ALK: variants seen among roughly 807,000 people sequenced by gnomAD.
The protein encoded by ALK is ALK tyrosine kinase receptor.
In ALK, 74 loss-of-function variants were observed where a neutral mutation model predicts 163.1. The ratio of observed to expected loss-of-function variants is 0.45; its 90% CI spans 0.38 to 0.55. ALK has a LOEUF of 0.55. Ranked by LOEUF, ALK falls within the 20% of genes least tolerant of loss-of-function variation. ALK has a pLI of 0.00. For synonymous variants in ALK, 960 were observed against 843.2 expected (o/e 1.14, Z -2.40); for missense variants, 2,063 against 2,105.3 (o/e 0.98, Z 0.39).
At chr2:29,543,249 C>T (rs533088669) in intron 3 of ALK, among the ~76,000 whole-genome samples, 2 of 152,246 alleles carry the variant, frequency 1.3e-5, no homozygotes, top group South Asian at 2.1e-4. Context: ...GGCTGTCTTG[C>T]TATGCATGAT....
At chr2:29,639,555 G>C (rs182242105) in intron 3 of ALK, among the ~76,000 whole-genome samples, 1 of 152,180 alleles carries the variant, frequency 6.6e-6, no homozygotes, top group Admixed American at 6.5e-5. Context: ...AACTGAGACC[G>C]GGGAGAATAT....
intron 5 of ALK, among the ~76,000 whole-genome samples, chr2:29,373,802 A>G (rs960683741): frequency 6.6e-6 from 1 of 152,204 alleles, no homozygotes; most frequent in African/African-American, 2.4e-5. Context: ...AGGCAGTGTG[A>G]CAGGCATTTG....
At chr2:29,442,027 T>A (rs796312783) in intron 4 of ALK, among the ~76,000 whole-genome samples, 1 of 152,282 alleles carries the variant, frequency 6.6e-6, no homozygotes, top group South Asian at 2.1e-4. Flanking sequence ...AGCTCGCTGG[T>A]TTCATCATTA....
At chr2:29,587,650 C>T (rs1343211670) in intron 3 of ALK, among the ~76,000 whole-genome samples, 1 of 152,202 alleles carries the variant, frequency 6.6e-6, no homozygotes, top group Non-Finnish European at 1.5e-5. Flanking sequence ...AGCTTCACTT[C>T]TTCCTTTGAC....
intron 11 of ALK, among the ~76,000 whole-genome samples, chr2:29,268,860 A>G (rs186127708): frequency 4.6e-5 from 7 of 152,150 alleles, no homozygotes; most frequent in African/African-American, 4.8e-5. Context: ...TGTTTCCTCA[A>G]TTGTAAAATG....
chr2:29,741,754 C>T (rs541391685), intron 1 of ALK, among the ~76,000 whole-genome samples: 1 of 152,130 alleles, frequency 6.6e-6, no homozygotes, highest in Non-Finnish European at 1.5e-5. Flanking sequence ...GCCTCTATCC[C>T]CTTACAAAAG....
At chr2:29,211,283 T>C (rs1042796173) in intron 24 of ALK, among the ~76,000 whole-genome samples, 8 of 152,152 alleles carry the variant, frequency 5.3e-5, no homozygotes, top group Non-Finnish European at 1.0e-4. Flanking sequence ...GCATAACACA[T>C]ATGACATCAA....
intron 1 of ALK, among the ~76,000 whole-genome samples, chr2:29,758,105 G>A (rs1680591434): frequency 6.6e-6 from 1 of 150,656 alleles, no homozygotes; most frequent in South Asian, 2.1e-4. Context: ...CTGCCTCTTG[G>A]GCTCAAGTGA....
At chr2:29,524,606 T>C (rs146798078) in intron 4 of ALK, among the ~76,000 whole-genome samples, 2,865 of 152,346 alleles carry the variant, frequency 0.019, 37 homozygotes, top group South Asian at 0.034. Flanking sequence ...CTTGGCAAAC[T>C]GAACATGCAC....
At chr2:29,643,570 G>A (rs1383490778) in intron 3 of ALK, among the ~76,000 whole-genome samples, 22 of 152,268 alleles carry the variant, frequency 1.4e-4, no homozygotes, top group Admixed American at 8.5e-4. Context: ...CATTGCAAAA[G>A]GCTTGGTGGA....
Position 29,808,279 on chromosome 2 carries a change from A to G in ALK, c.668-90582T>C, listed in dbSNP as rs557286927. 2.0e-4 allele frequency among the ~76,000 whole-genome samples: 31 copies of G among 152,284 alleles called. 2 individuals are homozygous for G. In the South Asian group the frequency reaches 6.4e-3, roughly 32 times the overall value. On this transcript the variant is annotated intron_variant, in intron 1 of 28. Transcript: ENST00000389048. Reference sequence around the variant, plus strand: ...TCCCAGTGCAGGAAATGACTTGCCCATAGTGTCACATTTGTCTGGTGTCTC... The same window carrying G: ...TCCCAGTGCAGGAAATGACTTGCCCGTAGTGTCACATTTGTCTGGTGTCTC...
chr2:29,690,665 A>G (rs1678369802), intron 3 of ALK, among the ~76,000 whole-genome samples: 1 of 152,130 alleles, frequency 6.6e-6, no homozygotes, highest in South Asian at 2.1e-4. Context: ...CAAAATGATC[A>G]CTTTTTATTA....
chr2:29,401,742 GT>G (rs1669451086), intron 4 of ALK, among the ~76,000 whole-genome samples: 1 of 152,110 alleles, frequency 6.6e-6, no homozygotes, highest in Non-Finnish European at 1.5e-5. Flanking sequence ...CATGGGTTGG[GT>G]ATTCAAATTG....
At chr2:29,423,504 A>G (rs1670067396) in intron 4 of ALK, among the ~76,000 whole-genome samples, 1 of 152,224 alleles carries the variant, frequency 6.6e-6, no homozygotes, top group African/African-American at 2.4e-5. Flanking sequence ...GCAACTTGCT[A>G]TTGGTAACAG....
chr2:29,504,200 G>A (rs969811682), intron 4 of ALK, among the ~76,000 whole-genome samples: 22 of 152,040 alleles, frequency 1.4e-4, no homozygotes, highest in African/African-American at 4.8e-4. Flanking sequence ...GCATGCTAGG[G>A]AGCAGTGAGT....
chr2:29,333,314 CCATGTTGGCCAGGCTGGTCTT>C, intron 5 of ALK, among the ~76,000 whole-genome samples: 1 of 152,230 alleles, frequency 6.6e-6, no homozygotes, highest in Middle Eastern at 3.4e-3. Context: ...CGAGGTTTCG[CCATGTTGGCCAGGCTGGTCTT>C]GAACTCCTGG....
At chr2:29,308,227 G>A (rs1018983883) in intron 8 of ALK, among the ~76,000 whole-genome samples, 3 of 151,996 alleles carry the variant, frequency 2.0e-5, no homozygotes, top group African/African-American at 7.3e-5. Flanking sequence ...TAAGACACAG[G>A]ATGTTTATAT....
chr2:29,658,893 G>C (rs565562338), intron 3 of ALK, among the ~76,000 whole-genome samples: 5 of 152,238 alleles, frequency 3.3e-5, no homozygotes, highest in African/African-American at 9.6e-5. Context: ...GCCAGTTTAA[G>C]CTACTGTTTG....
Position 29,835,914 on chromosome 2 carries a change from C to T in ALK, c.667+84079G>A, listed in dbSNP as rs565639188. ...AAACCTCTTTTTCTTTACAAATCAC[C>T]CAGTCTTGGGTATGTCTTTATCGGC... On this transcript the variant is annotated intron_variant, in intron 1 of 28. Transcript: ENST00000389048. 2.6e-5 allele frequency among the ~76,000 whole-genome samples: 4 copies of T among 152,256 alleles called. No individual in the cohort carries two copies. In the East Asian group the frequency reaches 5.8e-4, roughly 22 times the overall value.
Sources: allele counts gnomAD v4.1 joint callset (sites outside exome capture counted in the v4.1 genomes callset), GRCh38; gene constraint gnomAD v4.1.1; transcripts MANE v1.5; gene names NCBI Gene and HGNC (gene_info 2026-07-23, HGNC 2026-07-21).